Variants in AEBP2 observed in about 807,000 individuals in gnomAD.
AEBP2 encodes AE binding protein 2, also known as zinc finger protein AEBP2.
A neutral mutation model predicts 50.8 loss-of-function variants in AEBP2; 10 were observed. The ratio of observed to expected loss-of-function variants is 0.20; its 90% confidence interval spans 0.12 to 0.33. AEBP2 has a LOEUF of 0.33. AEBP2 is among the 10% of genes least tolerant of loss of function. The probability of loss-of-function intolerance (pLI) is 1.00; values close to 1 mark genes in which losing one functional copy is unlikely to be tolerated. For synonymous variants in AEBP2, 296 were observed against 261.3 expected (o/e 1.13, Z -1.28); for missense variants, 570 against 688.0 (o/e 0.83, Z 1.92).
At chr12:19,456,385 C>T in intron 1 of AEBP2, 1 of 1,373,164 alleles carries the variant, frequency 7.3e-7, no homozygotes, top group Non-Finnish European at 1.0e-6. Context: ...GGTGGGTAGT[C>T]TGAGAAGCAC....
chr12:19,492,307 T>C (rs1485136093), intron 3 of AEBP2, among the ~76,000 whole-genome samples: 3 of 152,198 alleles, frequency 2.0e-5, no homozygotes, highest in African/African-American at 7.2e-5. Flanking sequence ...TAATTAGAAA[T>C]CACACACTTA....
intron 1 of AEBP2, among the ~76,000 whole-genome samples, chr12:19,444,235 TTGAA>T (rs1260076064): frequency 3.3e-5 from 5 of 152,340 alleles, no homozygotes; most frequent in South Asian, 2.1e-4. Context: ...TAAAATATGG[TTGAA>T]TGAATGAGTC....
intron 1 of AEBP2, chr12:19,446,012 C>G (rs1335626812): frequency 1.3e-5 from 2 of 152,160 alleles, no homozygotes; most frequent in Non-Finnish European, 2.9e-5. Context: ...CTCATTTTCT[C>G]TGTATTGTTC....
At chr12:19,448,369 C>T (rs1853427759) in intron 1 of AEBP2, among the ~76,000 whole-genome samples, 2 of 152,054 alleles carry the variant, frequency 1.3e-5, no homozygotes, top group Non-Finnish European at 2.9e-5. Context: ...CCTGTAATCC[C>T]AGCTACTTGG....
chr12:19,410,067 C>T (rs532166067), intron 1 of AEBP2, among the ~76,000 whole-genome samples: 3 of 152,238 alleles, frequency 2.0e-5, no homozygotes, highest in South Asian at 2.1e-4. Flanking sequence ...CAGACCAGGG[C>T]AAGAAAACAG....
chr12:19,405,452 G>C (rs925433902), intron 1 of AEBP2, among the ~76,000 whole-genome samples: 4 of 151,944 alleles, frequency 2.6e-5, no homozygotes, highest in Non-Finnish European at 4.4e-5. Flanking sequence ...AGCCTCCTGA[G>C]TAGCTGGGAC....
In AEBP2 at chr12:19,441,461, C is replaced by T. The variant is rs143463238; in HGVS notation, c.671+1091C>T. 9.5e-4 allele frequency among the ~76,000 whole-genome samples: 144 copies of T among 152,248 alleles called. 1 individual carries two copies. The highest frequency in any genetic ancestry group is 3.0e-3 in the African/African-American group (126 of 41,538). On this transcript the variant is annotated intron_variant, in intron 1 of 7. Coordinates refer to ENST00000266508, the MANE Select transcript of AEBP2 (RefSeq NM_153207.5). ...TTTTGACAATCACATTTTTTTTAAA[C>T]ATGCTCTCCAGAAAAGTATAGCAAT... is the stretch of plus-strand genomic sequence containing the variant.
intron 1 of AEBP2, chr12:19,440,820 A>G (rs1947944071): frequency 6.8e-7 from 1 of 1,474,024 alleles, no homozygotes; most frequent in Non-Finnish European, 9.1e-7. Context: ...ATTTAACAGA[A>G]CTTCCTTGTC....
chr12:19,517,463 A>AAT (rs1949336740), intron 7 of AEBP2, among the ~76,000 whole-genome samples: 1 of 152,314 alleles, frequency 6.6e-6, no homozygotes, highest in East Asian at 1.9e-4. Flanking sequence ...AAATAAGACC[A>AAT]ATATAGTGTA....
At chr12:19,454,946 A>G (rs12228126) in intron 1 of AEBP2, among the ~76,000 whole-genome samples, 3,208 of 152,186 alleles carry the variant, frequency 0.021, 42 homozygotes, top group East Asian at 0.043. Flanking sequence ...ATTCCCGTTT[A>G]GAAACATATT....
chr12:19,514,957 G>A (rs1157481926), intron 7 of AEBP2, among the ~76,000 whole-genome samples, 173 bp downstream of exon 7: 5 of 151,120 alleles, frequency 3.3e-5, no homozygotes, highest in South Asian at 2.1e-4. Context: ...AAAAATTGTA[G>A]AATCCAGAAA....
chr12:19,447,237 T>C (rs1948087327), intron 1 of AEBP2, among the ~76,000 whole-genome samples: 1 of 152,212 alleles, frequency 6.6e-6, no homozygotes, highest in South Asian at 2.1e-4. Context: ...TTTTATTCTC[T>C]TCACTTTCTT....
intron 1 of AEBP2, among the ~76,000 whole-genome samples, chr12:19,419,718 T>C (rs535361121): frequency 1.4e-3 from 217 of 152,188 alleles, no homozygotes; most frequent in Non-Finnish European, 1.8e-3. Flanking sequence ...TAGACTGAAC[T>C]CCGGAGTTTG....
intron 1 of AEBP2, among the ~76,000 whole-genome samples, chr12:19,411,338 T>G (rs1201988992): frequency 6.6e-6 from 1 of 152,228 alleles, no homozygotes; most frequent in African/African-American, 2.4e-5. Context: ...AGAGGGAGGA[T>G]GTAGCTCACT....
At chr12:19,409,199 T>A (rs1291817232) in intron 1 of AEBP2, among the ~76,000 whole-genome samples, 1 of 152,182 alleles carries the variant, frequency 6.6e-6, no homozygotes, top group African/African-American at 2.4e-5. Flanking sequence ...TCCTGCATCA[T>A]TTAATCTACT....
In AEBP2 at chr12:19,413,221, C is replaced by T. The variant is rs1180223233; in HGVS notation, c.-17+9005C>T. On this transcript the variant is annotated intron_variant, in intron 1 of 3. Transcript: ENST00000538425. ...CAGAAATGAGAAACAGTATCTTAAC[C>T]CAAGTTTTGGATCAGTCGGCCGGGC... The T allele has an allele frequency of 4.9e-6, 4 of 812,856 alleles. No individual in the cohort carries two copies. The East Asian group carries it at 9.7e-5, about 20-fold the overall frequency. 50.4% of individuals were successfully genotyped at this position (812,856 alleles called of 1,614,324 possible).
At chr12:19,420,369 T>C (rs1022416609) in intron 1 of AEBP2, among the ~76,000 whole-genome samples, 2 of 129,840 alleles carry the variant, frequency 1.5e-5, no homozygotes, top group African/African-American at 5.8e-5. Flanking sequence ...AGTCTCACTC[T>C]GTCACCCAGG....
intron 1 of AEBP2, among the ~76,000 whole-genome samples, chr12:19,415,316 C>CAA (rs869125193): frequency 1.0e-4 from 6 of 59,546 alleles, no homozygotes; most frequent in Non-Finnish European, 1.3e-4. Context: ...GACCCTGTCT[C>CAA]AAAAAAAAAA....
intron 1 of AEBP2, among the ~76,000 whole-genome samples, chr12:19,453,569 A>G (rs1948205914): frequency 6.6e-6 from 1 of 151,654 alleles, no homozygotes; most frequent in African/African-American, 2.4e-5. Context: ...GATTACAGGC[A>G]CGCGACACCA....
Sources: gnomAD v4.1 joint callset for allele counts (sites outside exome capture counted in the v4.1 genomes callset) on GRCh38, gnomAD v4.1.1 for gene constraint, MANE v1.5 for transcripts, NCBI Gene and HGNC (gene_info 2026-07-23, HGNC 2026-07-21) for gene names.